The following SEMA5A variants were observed in gnomAD, a reference collection of about 807,000 sequenced individuals.
SEMA5A encodes the protein semaphorin-5A.
In SEMA5A, 55 loss-of-function variants were observed where a neutral mutation model predicts 135.5. The observed-to-expected ratio is 0.41, with a 90% CI of 0.33 to 0.51. SEMA5A has a LOEUF of 0.51. Ranked by LOEUF, SEMA5A falls within the 20% of genes least tolerant of loss-of-function variation. The pLI is 0.37. For missense variants in SEMA5A, 1,290 were observed against 1,419.9 expected (o/e 0.91, Z 1.47); for synonymous variants, 580 against 546.5 (o/e 1.06, Z -0.85).
At chr5:9,255,634 A>G (rs1414012329) in intron 5 of SEMA5A, among the ~76,000 whole-genome samples, 1 of 152,130 alleles carries the variant, frequency 6.6e-6, no homozygotes, top group East Asian at 1.9e-4. Context: ...AGTCTCCTTT[A>G]GCAGACTAAG....
chr5:9,165,645 G>A (rs1347811753), intron 11 of SEMA5A, among the ~76,000 whole-genome samples: 1 of 152,208 alleles, frequency 6.6e-6, no homozygotes, highest in African/African-American at 2.4e-5. Context: ...CTATGTCCAA[G>A]AGGCATTTCT....
intron 11 of SEMA5A, among the ~76,000 whole-genome samples, chr5:9,163,970 G>A (rs1258459885): frequency 1.4e-5 from 2 of 139,200 alleles, no homozygotes; most frequent in Non-Finnish European, 3.0e-5. Context: ...CAGCAATATT[G>A]TATTATATAA....
chr5:9,483,828 G>A (rs773187398), intron 1 of SEMA5A, among the ~76,000 whole-genome samples: 2 of 152,138 alleles, frequency 1.3e-5, no homozygotes, highest in Admixed American at 6.6e-5. Context: ...CAAAGCCTTG[G>A]GGGGAGGAGA....
At chr5:9,364,638 G>A (rs1350287491) in intron 3 of SEMA5A, among the ~76,000 whole-genome samples, 2 of 152,124 alleles carry the variant, frequency 1.3e-5, no homozygotes, top group Admixed American at 1.3e-4. Flanking sequence ...AAATTATTGT[G>A]CACCAGCTTT....
intron 4 of SEMA5A, among the ~76,000 whole-genome samples, chr5:9,318,852 G>T (rs1330401957): frequency 6.6e-6 from 1 of 152,172 alleles, no homozygotes; most frequent in Non-Finnish European, 1.5e-5. Flanking sequence ...ATGCTCTGAG[G>T]TTCACAGTAC....
intron 8 of SEMA5A, among the ~76,000 whole-genome samples, chr5:9,215,602 T>G (rs1050793576): frequency 6.6e-6 from 1 of 152,084 alleles, no homozygotes; most frequent in Non-Finnish European, 1.5e-5. Flanking sequence ...GTAACCATGG[T>G]TTCTCCCCTC....
chr5:9,415,756 C>T (rs993840846), intron 2 of SEMA5A, among the ~76,000 whole-genome samples: 9 of 152,122 alleles, frequency 5.9e-5, no homozygotes, highest in South Asian at 2.1e-4. Context: ...CTGTCTGCAC[C>T]GTTGTAATTC....
intron 6 of SEMA5A, among the ~76,000 whole-genome samples, chr5:9,233,182 T>C (rs1326771726): frequency 6.6e-6 from 1 of 152,232 alleles, no homozygotes; most frequent in Admixed American, 6.5e-5. Context: ...AATAGAAGCA[T>C]ACAGCAGCTC....
Position 9,150,475 on chromosome 5 carries a change from TA to T in SEMA5A, c.1481+4012del, listed in dbSNP as rs373723385. Among the ~76,000 whole-genome samples the T allele has an allele frequency of 3.6e-3, 549 of 151,254 alleles. 2 individuals carry two copies. Among genetic ancestry groups the T allele is most frequent in the African/African-American group, 0.013 (522 of 41,344 alleles). On this transcript the variant is annotated intron_variant, in intron 12 of 22. Transcript: ENST00000382496. ...CACTCTATCTATTAAATGGCTGTGC[TA>T]AAAAAAAATGCTAACATCAAAACAC...
chr5:9,095,261 T>C (rs184049527), intron 16 of SEMA5A, among the ~76,000 whole-genome samples: 371 of 152,018 alleles, frequency 2.4e-3, no homozygotes, highest in Admixed American at 6.6e-3. Context: ...GGTCTGGGGC[T>C]GGGAAGGGAT....
chr5:9,210,987 G>A (rs919800199), intron 8 of SEMA5A, among the ~76,000 whole-genome samples: 4 of 152,190 alleles, frequency 2.6e-5, no homozygotes, highest in Non-Finnish European at 5.9e-5. Flanking sequence ...AATAAGATTA[G>A]ATTTACAGCA....
chr5:9,430,933 G>A (rs1757835792), intron 2 of SEMA5A, among the ~76,000 whole-genome samples: 1 of 151,076 alleles, frequency 6.6e-6, no homozygotes, highest in Non-Finnish European at 1.5e-5. Context: ...TAGGATGATA[G>A]ATGTTTCCAT....
intron 12 of SEMA5A, among the ~76,000 whole-genome samples, chr5:9,151,988 T>C (rs1293816780): frequency 2.0e-5 from 3 of 152,210 alleles, no homozygotes; most frequent in Admixed American, 2.0e-4. Flanking sequence ...ACAAGTGGGC[T>C]GGCAGTTCAG....
At chr5:9,526,422 T>C (rs1277356157) in intron 1 of SEMA5A, among the ~76,000 whole-genome samples, 1 of 152,204 alleles carries the variant, frequency 6.6e-6, no homozygotes, top group Non-Finnish European at 1.5e-5. Context: ...ATACAGTTCA[T>C]TGATTTTTTC....
At chr5:9,543,966 C>T (rs1373075212) in intron 1 of SEMA5A, among the ~76,000 whole-genome samples, 4 of 152,040 alleles carry the variant, frequency 2.6e-5, no homozygotes, top group Admixed American at 2.6e-4. Flanking sequence ...GTATTATCTG[C>T]TTGAACTGAA....
intron 3 of SEMA5A, among the ~76,000 whole-genome samples, chr5:9,338,187 A>G (rs1489937913): frequency 1.3e-5 from 2 of 152,200 alleles, no homozygotes; most frequent in Admixed American, 6.5e-5. Flanking sequence ...GACTCAAAAG[A>G]GCTGCAGATT....
intron 1 of SEMA5A, among the ~76,000 whole-genome samples, chr5:9,516,131 T>C (rs563954442): frequency 6.6e-6 from 1 of 152,256 alleles, no homozygotes; most frequent in South Asian, 2.1e-4. Flanking sequence ...CACTGCTGAG[T>C]CCAATGTGAA....
chr5:9,184,155 C>T (rs1744677912), intron 11 of SEMA5A, among the ~76,000 whole-genome samples: 1 of 151,914 alleles, frequency 6.6e-6, no homozygotes, highest in South Asian at 2.1e-4. Context: ...ATAACATGCT[C>T]AATTCACATT....
At position 9,050,439 on chromosome 5, in the gene SEMA5A, G is replaced by A; in HGVS notation, c.2864C>T (p.Ser955Phe). The A allele has an allele frequency of 6.2e-7, 1 of 1,612,684 alleles. No individual in the cohort carries two copies. The change falls in exon 21 of 23, where the codon TCC becomes TTC. Residue 955 changes from serine to phenylalanine, a missense_variant. By Grantham distance (155) the Ser-to-Phe change is radical (BLOSUM62 -2). Coordinates refer to ENST00000382496, the MANE Select transcript of SEMA5A (RefSeq NM_003966.3). ...NFIPEVSVAR[S>F]SSVEEKRCGE... ...ACACCTTTTCTCTTCTACGCTACTGGATCTTGCCACAGATACTTCTGGAAA... is the reference window on the plus strand; with the variant it reads ...ACACCTTTTCTCTTCTACGCTACTGAATCTTGCCACAGATACTTCTGGAAA...
Sources: gnomAD v4.1 joint callset for allele counts (sites outside exome capture counted in the v4.1 genomes callset) on GRCh38, gnomAD v4.1.1 for gene constraint, MANE v1.5 for transcripts, NCBI Gene and HGNC (gene_info 2026-07-23, HGNC 2026-07-21) for gene names.